The following C22orf39 variants were observed in gnomAD, a reference collection of about 807,000 sequenced individuals.
The protein encoded by C22orf39 is synaptic plasticity regulator PANTS.
A neutral mutation model predicts 18.3 loss-of-function variants in C22orf39; 20 were observed. The observed-to-expected ratio is 1.09, with a 90% CI of 0.77 to 1.59. The LOEUF (loss-of-function observed/expected upper bound fraction) is 1.59, where lower values mean the gene tolerates loss of function less well. C22orf39 is among the 40% of genes most tolerant of loss of function. C22orf39 has a pLI of 0.00. For missense variants in C22orf39, 195 were observed against 156.1 expected (o/e 1.25, Z -1.33); for synonymous variants, 63 against 59.6 (o/e 1.06, Z -0.26).
At chr22:19,445,817 G>C (rs999971102) in intron 2 of C22orf39, among the ~76,000 whole-genome samples, 1 of 152,114 alleles carries the variant, frequency 6.6e-6, no homozygotes, top group Non-Finnish European at 1.5e-5. Flanking sequence ...TGAGATTACA[G>C]GTGTTTGCCA....
At position 19,441,437 on chromosome 22, in the gene C22orf39, CAAT is replaced by C. The variant is rs765888916; in HGVS notation, c.*2825_*2827del. 28 of 528,030 alleles carry C rather than the reference CAAT, an allele frequency of 5.3e-5. No homozygotes were observed. The highest frequency in any genetic ancestry group is 1.4e-4 in the South Asian group (5 of 36,532). The allele number at this position is 528,030 out of a possible 1,614,324, so 32.7% of individuals were successfully genotyped here. Reference sequence around the variant, plus strand: ...GGATACATATTGTTTTGTATTTCAACAATAATATGCTATATATAACAGTCTATG... The same window carrying C: ...GGATACATATTGTTTTGTATTTCAACAATATGCTATATATAACAGTCTATG... On this transcript the variant is annotated 3_prime_UTR_variant, in exon 3 of 3. Coordinates refer to ENST00000399562, the MANE Select transcript of C22orf39 (RefSeq NM_173793.5).
rs970572668 is a variant in C22orf39 at position 19,441,832 on chromosome 22, A to T, written c.*2433T>A. On this transcript the variant is annotated 3_prime_UTR_variant, in exon 3 of 3. Transcript: ENST00000399562. ...TTTTGAGACAGGATATTGCTCTGTCACCCAGGTTGAAGTGCAGTGGGGCAC... is the reference window on the plus strand; with the variant it reads ...TTTTGAGACAGGATATTGCTCTGTCTCCCAGGTTGAAGTGCAGTGGGGCAC... The T allele has an allele frequency of 3.3e-6, 4 of 1,222,168 alleles. No individual in the cohort carries two copies. The African/African-American group carries it at 6.2e-5, about 19-fold the overall frequency. 75.7% of individuals were successfully genotyped at this position (1,222,168 alleles called of 1,614,324 possible).
rs12157933 is a variant in C22orf39, at chr22:19,442,033, C to T, written c.*2232G>A. 3,480 of 194,436 alleles carry T rather than the reference C, an allele frequency of 0.018. 140 individuals carry two copies. Among genetic ancestry groups the T allele is most frequent in the African/African-American group, 0.076 (3,238 of 42,810 alleles). The allele number at this position is 194,436 out of a possible 1,614,324, so 12.0% of individuals were successfully genotyped here. Reference sequence around the variant, plus strand: ...CTCGAACTCCTGGGCTCAAGCAATCCTCCCACCTCAGCCTCCCAAAGTGCT... The same window carrying T: ...CTCGAACTCCTGGGCTCAAGCAATCTTCCCACCTCAGCCTCCCAAAGTGCT... On this transcript the variant is annotated 3_prime_UTR_variant, in exon 3 of 3. Transcript: ENST00000399562.
At position 19,443,494 on chromosome 22, in the gene C22orf39, C is replaced by G. The variant is rs923584739; in HGVS notation, c.*771G>C. The stretch of plus-strand genomic sequence containing the variant: ...CAAGTGTGAACTTAATTTTCAGCTT[C>G]TATTTGAAATCAGATGAAATAGCTT... On this transcript the variant is annotated 3_prime_UTR_variant, in exon 3 of 3. Transcript: ENST00000399562. The G allele has an allele frequency of 2.5e-5, 25 of 985,704 alleles. No homozygotes were observed. Among genetic ancestry groups the G allele is most frequent in the Non-Finnish European group, 3.0e-5 (25 of 829,908 alleles). The allele number at this position is 985,704 out of a possible 1,614,324, so 61.1% of individuals were successfully genotyped here.
rs2089619754 is a variant in C22orf39 at position 19,442,692 on chromosome 22, C to T, written c.*1573G>A. 6.6e-6 allele frequency: 1 copy of T among 152,248 alleles called. No individual in the cohort carries two copies. The highest frequency in any genetic ancestry group is 2.4e-5 in the African/African-American group (1 of 41,442). The allele number at this position is 152,248 out of a possible 1,614,324, so 9.4% of individuals were successfully genotyped here. ...CAAGCAATTCTCCTGTCTCAGCTTC[C>T]CGAGTAGCTGGGATCACAGGCACGT... On this transcript the variant is annotated 3_prime_UTR_variant, in exon 3 of 3. Coordinates refer to ENST00000399562, the MANE Select transcript of C22orf39 (RefSeq NM_173793.5).
Position 19,444,141 on chromosome 22 carries a change from TC to T in C22orf39, c.*123del. The T allele has an allele frequency of 7.1e-7, 1 of 1,407,464 alleles. No individual in the cohort carries two copies. The highest frequency in any genetic ancestry group is 9.2e-7 in the Non-Finnish European group (1 of 1,090,070). 87.2% of individuals were successfully genotyped at this position (1,407,464 alleles called of 1,614,324 possible). A position where few individuals can be genotyped will look rare whatever the true frequency, so the allele number is the denominator to read the frequency against. ...GGGCTAGCAATGTCCTGCTCCATGT[TC>T]CTGTGAGCAAGAGCTCACAGGGACC... On this transcript the variant is annotated 3_prime_UTR_variant, in exon 3 of 3. Coordinates refer to ENST00000399562, the MANE Select transcript of C22orf39 (RefSeq NM_173793.5).
rs2089612018 is a variant in C22orf39 at position 19,441,447 on chromosome 22, C to G, written c.*2818G>C. ...TGTTTTGTATTTCAACAATAATATG[C>G]TATATATAACAGTCTATGCCAGATA... On this transcript the variant is annotated 3_prime_UTR_variant, in exon 3 of 3. Transcript: ENST00000399562. 1.9e-6 allele frequency: 1 copy of G among 538,950 alleles called. No homozygotes were observed. The highest frequency in any genetic ancestry group is 3.3e-6 in the Non-Finnish European group (1 of 306,216). 33.4% of individuals were successfully genotyped at this position (538,950 alleles called of 1,614,324 possible).
In C22orf39 at chr22:19,442,879, G is replaced by C. The variant is rs1304859874; in HGVS notation, c.*1386C>G. ...CTGCAAATTCAGATGCCCCGTCCCT[G>C]TGTTTAAGAGTAAGAAAAACCTTGT... is the stretch of plus-strand genomic sequence containing the variant. On this transcript the variant is annotated 3_prime_UTR_variant, in exon 3 of 3. Coordinates refer to ENST00000399562, the MANE Select transcript of C22orf39 (RefSeq NM_173793.5). 1 of 152,836 alleles carries C rather than the reference G, an allele frequency of 6.5e-6. No individual in the cohort carries two copies. Among genetic ancestry groups the C allele is most frequent in the Non-Finnish European group, 1.5e-5 (1 of 68,598 alleles). The allele number at this position is 152,836 out of a possible 1,614,324, so 9.5% of individuals were successfully genotyped here.
chr22:19,441,732 G>C lies in C22orf39; in HGVS notation c.*2533C>G, dbSNP rs1413107575. ...TTTGAAAGATATTGCTCTTATTACA[G>C]TATTTGTTTTCTTCATACCACCACC... On this transcript the variant is annotated 3_prime_UTR_variant, in exon 3 of 3. Transcript: ENST00000399562. 2.6e-6 allele frequency: 4 copies of C among 1,538,796 alleles called. No homozygotes were observed. The highest frequency in any genetic ancestry group is 3.5e-6 in the Non-Finnish European group (4 of 1,141,438).
rs2089623056 is a variant in C22orf39 at position 19,443,238 on chromosome 22, G to A, written c.*1027C>T. On this transcript the variant is annotated 3_prime_UTR_variant, in exon 3 of 3. Transcript: ENST00000399562. ...CAAATTAAAAGATATTCAACTTGCT[G>A]CCTGTGTCCAGGAAGAGAGCAGGGA... is the stretch of plus-strand genomic sequence containing the variant. 1 of 985,472 alleles carries A rather than the reference G, an allele frequency of 1.0e-6. No individual in the cohort carries two copies. 61.0% of individuals were successfully genotyped at this position (985,472 alleles called of 1,614,324 possible). A position where few individuals can be genotyped will look rare whatever the true frequency, so the allele number is the denominator to read the frequency against.
intron 2 of C22orf39, 88 bp downstream of exon 2, chr22:19,447,290 A>G: frequency 7.7e-7 from 1 of 1,301,108 alleles, no homozygotes; most frequent in Non-Finnish European, 9.9e-7. Flanking sequence ...GTCCCCGGCT[A>G]GGTCGCGGGG....
rs972910008 is a variant in C22orf39 at position 19,442,535 on chromosome 22, A to T, written c.*1730T>A. The T allele has an allele frequency of 6.6e-6, 1 of 152,246 alleles. No individual in the cohort carries two copies. Among genetic ancestry groups the T allele is most frequent in the Non-Finnish European group, 1.5e-5 (1 of 68,068 alleles). The allele number at this position is 152,246 out of a possible 1,614,324, so 9.4% of individuals were successfully genotyped here. ...CCAGGAACCTGAAGGCAGCTGCTGCAATCCCAGGCATCACATGCAGGCTGC... is the reference window on the plus strand; with the variant it reads ...CCAGGAACCTGAAGGCAGCTGCTGCTATCCCAGGCATCACATGCAGGCTGC... On this transcript the variant is annotated 3_prime_UTR_variant, in exon 3 of 3. Coordinates refer to ENST00000399562, the MANE Select transcript of C22orf39 (RefSeq NM_173793.5).
rs752878945 is a variant in C22orf39 at position 19,444,362 on chromosome 22, C to T, written c.221G>A (p.Arg74Gln). Residue 74 changes from arginine to glutamine, a missense_variant, in exon 3 of 3, where the codon CGA becomes CAA. Transcript: ENST00000399562. Reference sequence around the variant, plus strand: ...GATGTGCTTCCGTGCAGCCCGGACTCGTGCCCGCTCGCTCTCACAGAGGGA... The same window carrying T: ...GATGTGCTTCCGTGCAGCCCGGACTTGTGCCCGCTCGCTCTCACAGAGGGA... ...QQSLCESERA[R>Q]VRAARKHILV... 28 of 1,601,022 alleles carry T rather than the reference C, an allele frequency of 1.7e-5. No homozygotes were observed. In the East Asian group the frequency reaches 1.8e-4, roughly 10 times the overall value.
At chr22:19,447,162 A>C (rs2089645333) in intron 2 of C22orf39, among the ~76,000 whole-genome samples, 1 of 151,784 alleles carries the variant, frequency 6.6e-6, no homozygotes, top group Non-Finnish European at 1.5e-5. Flanking sequence ...ACCACTCTAC[A>C]CCCCCTCCTC....
At position 19,447,543 on chromosome 22, in the gene C22orf39, C is replaced by A; in HGVS notation, c.27G>T (p.Pro9=). 7.0e-7 allele frequency: 1 copy of A among 1,430,466 alleles called. No individual in the cohort carries two copies. Among genetic ancestry groups the A allele is most frequent in the South Asian group, 1.5e-5 (1 of 67,608 alleles). The allele number at this position is 1,430,466 out of a possible 1,614,324, so 88.6% of individuals were successfully genotyped here. The part of the protein sequence containing the change: MADGSGWQ[P]PRPCEAYRAE... ...CGCGGTAGGCCTCGCAGGGGCGCGG[C>A]GGCTGCGGCGAGAGGCGGCGCCTGA... The change falls in exon 2 of 3, where the codon CCG becomes CCT. Residue 9 remains proline, a splice_region_variant and synonymous_variant. Coordinates refer to ENST00000399562, the MANE Select transcript of C22orf39 (RefSeq NM_173793.5).
Position 19,441,690 on chromosome 22 carries a change from A to G in C22orf39, c.*2575T>C. On this transcript the variant is annotated 3_prime_UTR_variant, in exon 3 of 3. Coordinates refer to ENST00000399562, the MANE Select transcript of C22orf39 (RefSeq NM_173793.5). The stretch of plus-strand genomic sequence containing the variant: ...ATTACAGGTGTGAGCCACCACACTT[A>G]GCACCTGTCCAAAAAGTTTGAAAGA... 1 of 1,548,594 alleles carries G rather than the reference A, an allele frequency of 6.5e-7. No homozygotes were observed. Among genetic ancestry groups the G allele is most frequent in the African/African-American group, 1.4e-5 (1 of 73,088 alleles).
Position 19,443,844 on chromosome 22 carries a change from A to C in C22orf39, c.*421T>G. ...GGACGTGGCAGGCAGTTTCCCAAGG[A>C]CTAGGAAAGACATTCACAGTGGCAC... On this transcript the variant is annotated 3_prime_UTR_variant, in exon 3 of 3. Coordinates refer to ENST00000399562, the MANE Select transcript of C22orf39 (RefSeq NM_173793.5). The C allele has an allele frequency of 2.0e-6, 2 of 986,940 alleles. No individual in the cohort carries two copies. Among genetic ancestry groups the C allele is most frequent in the Non-Finnish European group, 2.4e-6 (2 of 831,536 alleles). 61.1% of individuals were successfully genotyped at this position (986,940 alleles called of 1,614,324 possible). A position where few individuals can be genotyped will look rare whatever the true frequency, so the allele number is the denominator to read the frequency against.
In C22orf39 at chr22:19,444,383, A is replaced by C. The variant is rs747746008; in HGVS notation, c.200T>G (p.Leu67Arg). 5.6e-6 allele frequency: 9 copies of C among 1,600,168 alleles called. No homozygotes were observed. The African/African-American group carries it at 1.2e-4, about 22-fold the overall frequency. Residue 67 changes from leucine to arginine, a missense_variant, in exon 3 of 3, where the codon CTC (leucine) becomes CGC (arginine). Leu to Arg is a moderately radical substitution (Grantham distance 102, BLOSUM62 -2). Transcript: ENST00000399562. ...ERRNAEAQQS[L>R]CESERARVRA... The stretch of plus-strand genomic sequence containing the variant: ...GACTCGTGCCCGCTCGCTCTCACAG[A>C]GGGATTGCTGTGCAAATGAGACTCT...
Position 19,441,820 on chromosome 22 carries a change from T to C in C22orf39, c.*2445A>G, listed in dbSNP as rs1309302618. The C allele has an allele frequency of 7.7e-7, 1 of 1,293,890 alleles. No individual in the cohort carries two copies. The highest frequency in any genetic ancestry group is 1.0e-6 in the Non-Finnish European group (1 of 961,558). 80.2% of individuals were successfully genotyped at this position (1,293,890 alleles called of 1,614,324 possible). On this transcript the variant is annotated 3_prime_UTR_variant, in exon 3 of 3. Transcript: ENST00000399562. ...TATTTTTATTTATTTTGAGACAGGA[T>C]ATTGCTCTGTCACCCAGGTTGAAGT...
Sources: gnomAD v4.1 joint callset for allele counts (sites outside exome capture counted in the v4.1 genomes callset) on GRCh38, gnomAD v4.1.1 for gene constraint, MANE v1.5 for transcripts, NCBI Gene and HGNC (gene_info 2026-07-23, HGNC 2026-07-21) for gene names.